TAFA5: variants seen among roughly 807,000 people sequenced by gnomAD.
The protein encoded by TAFA5 is TAFA chemokine like family member 5, also known as chemokine-like protein TAFA-5.
TAFA5 carries 6 observed loss-of-function variants against 15.3 expected under a neutral mutation model. The ratio of observed to expected loss-of-function variants is 0.39; its 90% CI spans 0.21 to 0.77. The LOEUF is 0.77. TAFA5 is among the 30% of genes least tolerant of loss of function. The pLI is 0.41. For missense variants in TAFA5, 161 were observed against 193.1 expected (o/e 0.83, Z 0.98); for synonymous variants, 103 against 80.7 (o/e 1.28, Z -1.48).
chr22:48,729,017 G>A (rs130202), intron 3 of TAFA5, among the ~76,000 whole-genome samples: 105,505 of 151,784 alleles, frequency 0.7, 37,778 homozygotes, highest in African/African-American at 0.77. Flanking sequence ...TGTATCGATC[G>A]CTAAATCTGG....
At chr22:48,633,153 A>G (rs943759221) in intron 1 of TAFA5, among the ~76,000 whole-genome samples, 4 of 152,134 alleles carry the variant, frequency 2.6e-5, no homozygotes, top group African/African-American at 9.7e-5. Context: ...CTGGGCAGCA[A>G]GGAGGAGGCT....
intron 1 of TAFA5, among the ~76,000 whole-genome samples, chr22:48,525,780 C>T (rs1921761177): frequency 1.3e-5 from 2 of 152,218 alleles, no homozygotes; most frequent in African/African-American, 4.8e-5. Flanking sequence ...CCTGCAGAGG[C>T]ACGGTGGTGT....
At chr22:48,568,056 G>A (rs1055819232) in intron 1 of TAFA5, among the ~76,000 whole-genome samples, 13 of 152,172 alleles carry the variant, frequency 8.5e-5, no homozygotes, top group Non-Finnish European at 1.9e-4. Context: ...TATTTTCTGG[G>A]TACGCCAAAG....
intron 2 of TAFA5, among the ~76,000 whole-genome samples, chr22:48,671,052 A>C (rs1927787772): frequency 6.6e-6 from 1 of 152,228 alleles, no homozygotes; most frequent in African/African-American, 2.4e-5. Context: ...TTTGTATCCC[A>C]GGGACACACC....
intron 3 of TAFA5, among the ~76,000 whole-genome samples, chr22:48,712,034 A>G (rs1929270988): frequency 6.6e-6 from 1 of 152,232 alleles, no homozygotes; most frequent in African/African-American, 2.4e-5. Flanking sequence ...GACCCCAGGC[A>G]CATGCTGATG....
At position 48,542,663 on chromosome 22, in the gene TAFA5, T is replaced by TGTGTGTGTG. The variant is rs1569019383; in HGVS notation, c.112+52960_112+52968dup. On this transcript the variant is annotated intron_variant, in intron 1 of 3. Transcript: ENST00000402357. ...ATGTGTGTGTGTGGTGTGTGTGTGG[T>TGTGTGTGTG]GTGTGTGTGATGTTTGTGTGGTGTA... Among the ~76,000 whole-genome samples, 63 of 76,986 alleles carry TGTGTGTGTG rather than the reference T, an allele frequency of 8.2e-4. 1 individual carries two copies. The highest frequency in any genetic ancestry group is 2.3e-3 in the African/African-American group (43 of 18,640). 50.5% of individuals were successfully genotyped at this position (76,986 alleles called of 152,430 possible). A position where few individuals can be genotyped will look rare whatever the true frequency, so the allele number is the denominator to read the frequency against.
At chr22:48,622,621 A>C (rs1020347967) in intron 1 of TAFA5, among the ~76,000 whole-genome samples, 2 of 152,198 alleles carry the variant, frequency 1.3e-5, no homozygotes, top group African/African-American at 4.8e-5. Flanking sequence ...GAGGAGCCTG[A>C]CCAAAGTTAC....
intron 3 of TAFA5, among the ~76,000 whole-genome samples, chr22:48,713,071 A>G (rs2147255243): frequency 6.6e-6 from 1 of 152,372 alleles, no homozygotes; most frequent in Middle Eastern, 3.4e-3. Flanking sequence ...CATCTCCTAC[A>G]TCAGAATCAG....
chr22:48,651,736 G>A lies in TAFA5; in HGVS notation c.262+4990G>A, dbSNP rs568462583. On this transcript the variant is annotated intron_variant, in intron 2 of 3. Coordinates refer to ENST00000402357, the MANE Select transcript of TAFA5 (RefSeq NM_001082967.3). ...TTTAGAGTCCAGGTGTGAAGAAGAA[G>A]GGGCACCACGAGGGGGATCTGTGGT... 5.9e-5 allele frequency among the ~76,000 whole-genome samples: 9 copies of A among 152,292 alleles called. No individual in the cohort carries two copies. In the South Asian group the frequency reaches 1.9e-3, roughly 32 times the overall value.
chr22:48,546,370 A>G, intron 1 of TAFA5: 1 of 391,700 alleles, frequency 2.6e-6, no homozygotes, highest in East Asian at 7.3e-5. Context: ...TGATTAATTC[A>G]GCAAACACAT....
chr22:48,545,318 T>G, intron 1 of TAFA5: 1 of 248,108 alleles, frequency 4.0e-6, no homozygotes, highest in Non-Finnish European at 8.0e-6. Context: ...GGGGGCTGGA[T>G]CTGCCCCGGG....
At position 48,582,384 on chromosome 22, in the gene TAFA5, C is replaced by T. The variant is rs370322404; in HGVS notation, c.113-64213C>T. 1.5e-4 allele frequency among the ~76,000 whole-genome samples: 22 copies of T among 150,298 alleles called. No individual in the cohort carries two copies. In the East Asian group the frequency reaches 3.4e-3, roughly 23 times the overall value. On this transcript the variant is annotated intron_variant, in intron 1 of 3. Coordinates refer to ENST00000402357, the MANE Select transcript of TAFA5 (RefSeq NM_001082967.3). Reference sequence around the variant, plus strand: ...ACCACGTACCACACACAAAATACACCACATACCACACACAAAATACACCAC... The same window carrying T: ...ACCACGTACCACACACAAAATACACTACATACCACACACAAAATACACCAC...
At chr22:48,507,004 C>A (rs1317997601) in intron 1 of TAFA5, among the ~76,000 whole-genome samples, 1 of 151,934 alleles carries the variant, frequency 6.6e-6, no homozygotes, top group African/African-American at 2.4e-5. Flanking sequence ...TGGGGAGAAC[C>A]CCGTGGCTGA....
intron 3 of TAFA5, among the ~76,000 whole-genome samples, chr22:48,747,460 C>A (rs1930360554): frequency 6.6e-6 from 1 of 152,216 alleles, no homozygotes; most frequent in African/African-American, 2.4e-5. Context: ...TCCAGAGTGG[C>A]CTCCCTGATT....
At chr22:48,572,366 C>T (rs543743787) in intron 1 of TAFA5, among the ~76,000 whole-genome samples, 1 of 152,354 alleles carries the variant, frequency 6.6e-6, no homozygotes, top group Admixed American at 6.5e-5. Context: ...GGTGTGTAGA[C>T]AGATGGGCCA....
Position 48,749,872 on chromosome 22 carries a change from G to A in TAFA5, c.*25G>A, listed in dbSNP as rs374470284. The A allele has an allele frequency of 8.6e-5, 134 of 1,554,164 alleles. No homozygotes were observed. Among genetic ancestry groups the A allele is most frequent in the African/African-American group, 8.5e-4 (62 of 73,334 alleles). On this transcript the variant is annotated 3_prime_UTR_variant, in exon 4 of 4. Coordinates refer to ENST00000402357, the MANE Select transcript of TAFA5 (RefSeq NM_001082967.3). ...ACAAACACAGCCCCTGAGGGGCCCC[G>A]GGAGTGGCCTTGGCTCCCTGGAGAG...
chr22:48,680,439 A>T (rs114938053), intron 2 of TAFA5, among the ~76,000 whole-genome samples: 1 of 152,164 alleles, frequency 6.6e-6, no homozygotes, highest in African/African-American at 2.4e-5. Flanking sequence ...TCTCCATTCA[A>T]GTCCAGGTAG....
chr22:48,608,648 G>A (rs1339698100), intron 1 of TAFA5, among the ~76,000 whole-genome samples: 2 of 152,206 alleles, frequency 1.3e-5, no homozygotes, highest in Admixed American at 6.5e-5. Flanking sequence ...TCCTCTTGGC[G>A]CCAATCCTGG....
intron 2 of TAFA5, among the ~76,000 whole-genome samples, chr22:48,676,729 A>G (rs85630): frequency 0.89 from 135,308 of 152,242 alleles, 60,411 homozygotes; most frequent in East Asian, 1. Flanking sequence ...GCGGGTATGC[A>G]CTGCTCATGG....
Sources: gnomAD v4.1 joint callset for allele counts (sites outside exome capture counted in the v4.1 genomes callset) on GRCh38, gnomAD v4.1.1 for gene constraint, MANE v1.5 for transcripts, NCBI Gene and HGNC (gene_info 2026-07-23, HGNC 2026-07-21) for gene names.